Variants in ELFN1 observed in about 807,000 individuals in gnomAD.
ELFN1 encodes protein ELFN1.
In ELFN1, 6 loss-of-function variants were observed where a neutral mutation model predicts 7.6. The observed-to-expected ratio is 0.79, with a 90% confidence interval of 0.43 to 1.56. The LOEUF is 1.56. Among genes scored for constraint, ELFN1 ranks in the 40% most tolerant of loss-of-function variants. ELFN1 has a pLI of 0.01. For missense variants in ELFN1, 1,169 were observed against 1,232.2 expected (o/e 0.95, Z 0.77); for synonymous variants, 657 against 588.1 (o/e 1.12, Z -1.70).
chr7:1,745,246 G>A lies in ELFN1; in HGVS notation c.650G>A (p.Arg217His), dbSNP rs539135349. 6 of 1,540,122 alleles carry A rather than the reference G, an allele frequency of 3.9e-6. No homozygotes were observed. The highest frequency in any genetic ancestry group is 4.9e-5 in the East Asian group (2 of 40,918). ...AFTNATQTYD[R>H]MQCESPPVYS... The stretch of plus-strand genomic sequence containing the variant: ...ACCAACGCCACACAGACGTACGACC[G>A]CATGCAGTGCGAGTCGCCGCCCGTC... The change falls in exon 4 of 4, where the codon CGC becomes CAC. Residue 217 changes from arginine (R) to histidine (H), a missense_variant. Arg to His is a conservative substitution (Grantham distance 29). This residue lies in a region of ELFN1 where 255 missense variants were observed against 359.6 expected (regional missense o/e 0.71). Coordinates refer to ENST00000424383, the MANE Select transcript of ELFN1 (RefSeq NM_001128636.4).
chr7:1,747,130 TCCA>T lies in ELFN1; in HGVS notation c.*50_*52del. On this transcript the variant is annotated 3_prime_UTR_variant, in exon 4 of 4. Transcript: ENST00000424383. ...CCACTGGACCAAAAAGGATGCAGGA[TCCA>T]CCCAGAGACTCAGCACCAAACCCAA... is the stretch of plus-strand genomic sequence containing the variant. 1 of 1,432,424 alleles carries T rather than the reference TCCA, an allele frequency of 7.0e-7. No individual in the cohort carries two copies. The highest frequency in any genetic ancestry group is 2.8e-5 in the Admixed American group (1 of 35,824). The allele number at this position is 1,432,424 out of a possible 1,614,324, so 88.7% of individuals were successfully genotyped here.
chr7:1,717,840 T>C (rs1779881643), intron 3 of ELFN1, among the ~76,000 whole-genome samples: 1 of 152,038 alleles, frequency 6.6e-6, no homozygotes, highest in Non-Finnish European at 1.5e-5. Flanking sequence ...AGGAGGAAGT[T>C]GTAGTCCTGC....
chr7:1,707,443 T>C (rs1378674319), intron 2 of ELFN1, among the ~76,000 whole-genome samples: 3 of 152,168 alleles, frequency 2.0e-5, no homozygotes, highest in African/African-American at 7.2e-5. Context: ...GCAAACGCCC[T>C]GCATCGCAGC....
At chr7:1,669,877 A>ACCCC (rs1778728333), upstream of ELFN1, among the ~76,000 whole-genome samples, 2 of 78,292 alleles carry the variant, frequency 2.6e-5, no homozygotes, top group African/African-American at 4.4e-5. Flanking sequence ...CCACCCACCC[A>ACCCC]CCCACCCCCT....
rs749120379 is a variant in ELFN1 at position 1,746,083 on chromosome 7, G to C, written c.1487G>C (p.Arg496Pro). 151 of 1,546,964 alleles carry C rather than the reference G, an allele frequency of 9.8e-5. No homozygotes were observed. Among genetic ancestry groups the C allele is most frequent in the Non-Finnish European group, 1.2e-4 (136 of 1,145,306 alleles). Residue 496 changes from arginine (R) to proline (P), a missense_variant, in exon 4 of 4, where the codon CGC (arginine) becomes CCC (proline). By Grantham distance (103) the Arg-to-Pro change is moderately radical (BLOSUM62 -2). This residue lies in a region of ELFN1 where 914 missense variants were observed against 872.6 expected (regional missense o/e 1.05). Transcript: ENST00000424383. ...CTGCTGGGCCCCGAGGCCGTGACGC[G>C]CATCCCTTACCTGCCTGCGGCCGGC... ...GPLLGPEAVT[R>P]IPYLPAAGEV...
At position 1,739,835 on chromosome 7, in the gene ELFN1, C is replaced by A. The variant is rs1012355348; in HGVS notation, c.-293-4469C>A. ...GCCCGAGGGGGGACGCCCGGTGGGG[C>A]GGGGCTGAGGATGGAAGAGGAGGTG... On this transcript the variant is annotated intron_variant, in intron 3 of 3. Coordinates refer to ENST00000424383, the MANE Select transcript of ELFN1 (RefSeq NM_001128636.4). This position sits in a 1 kb window ranked among gnomAD's most constrained non-coding sequence, Gnocchi z 4.6. 6.6e-6 allele frequency among the ~76,000 whole-genome samples: 1 copy of A among 151,584 alleles called. No homozygotes were observed. The highest frequency in any genetic ancestry group is 1.5e-5 in the Non-Finnish European group (1 of 67,874).
intron 3 of ELFN1, among the ~76,000 whole-genome samples, chr7:1,709,718 G>A (rs1013228680): frequency 6.6e-6 from 1 of 152,278 alleles, no homozygotes; most frequent in African/African-American, 2.4e-5. Context: ...ATTTGAAGCA[G>A]GTTCTTGTCT....
chr7:1,682,564 C>T (rs1778992399), intron 1 of ELFN1, among the ~76,000 whole-genome samples: 1 of 152,028 alleles, frequency 6.6e-6, no homozygotes, highest in East Asian at 1.9e-4. Flanking sequence ...CCACAGCCTC[C>T]CAAGTGTTTG....
chr7:1,677,013 C>G (rs1389533246), intron 1 of ELFN1, among the ~76,000 whole-genome samples: 1 of 152,150 alleles, frequency 6.6e-6, no homozygotes, highest in East Asian at 1.9e-4. Flanking sequence ...TGAGGGTAGC[C>G]CGTACTGGGT....
chr7:1,686,660 C>T (rs145753615), intron 1 of ELFN1, among the ~76,000 whole-genome samples: 119 of 152,184 alleles, frequency 7.8e-4, no homozygotes, highest in African/African-American at 1.1e-3. Flanking sequence ...ATCCAAAGAT[C>T]GGGTAGTTTT....
chr7:1,719,434 G>T (rs1779948575), intron 3 of ELFN1, among the ~76,000 whole-genome samples: 1 of 152,176 alleles, frequency 6.6e-6, no homozygotes, highest in African/African-American at 2.4e-5. Flanking sequence ...ACCGGCTCTG[G>T]GCTAGGCAGC....
At chr7:1,726,190 T>A (rs1780191948) in intron 3 of ELFN1, among the ~76,000 whole-genome samples, 2 of 152,142 alleles carry the variant, frequency 1.3e-5, no homozygotes, top group South Asian at 4.1e-4. Context: ...TGACCCCTCC[T>A]TGCCCTGTGG....
At chr7:1,736,904 C>T (rs1405297156) in intron 3 of ELFN1, among the ~76,000 whole-genome samples, 1 of 152,078 alleles carries the variant, frequency 6.6e-6, no homozygotes, top group Non-Finnish European at 1.5e-5. Flanking sequence ...GCACTCTCTC[C>T]TCCCACCCCT....
At chr7:1,677,761 A>G (rs1778899296) in intron 1 of ELFN1, among the ~76,000 whole-genome samples, 1 of 151,800 alleles carries the variant, frequency 6.6e-6, no homozygotes, top group African/African-American at 2.4e-5. Flanking sequence ...CTGTAAAATG[A>G]ATTTGTTGTC....
Position 1,718,916 on chromosome 7 carries a change from G to A in ELFN1, c.-294+9664G>A, listed in dbSNP as rs117446028. 5.0e-3 allele frequency among the ~76,000 whole-genome samples: 755 copies of A among 152,242 alleles called. 6 individuals are homozygous for A. The highest frequency in any genetic ancestry group is 0.014 in the Middle Eastern group (4 of 294). On this transcript the variant is annotated intron_variant, in intron 3 of 3. Coordinates refer to ENST00000424383, the MANE Select transcript of ELFN1 (RefSeq NM_001128636.4). ...TTCTCTTCCTGAGAATCTCACCTCC[G>A]CGGAGCCACACTCCAGGGGTTCTTA...
chr7:1,696,680 G>A (rs1779320682), intron 2 of ELFN1, among the ~76,000 whole-genome samples: 2 of 152,124 alleles, frequency 1.3e-5, no homozygotes, highest in East Asian at 1.9e-4. Flanking sequence ...GAGATTACTC[G>A]TGTGAGCCAC....
intron 3 of ELFN1, among the ~76,000 whole-genome samples, chr7:1,710,443 C>A (rs964184454): frequency 6.6e-6 from 1 of 152,220 alleles, no homozygotes; most frequent in Non-Finnish European, 1.5e-5. Context: ...CTCTATCCTG[C>A]CCCCTCACCC....
chr7:1,675,080 G>A (rs1333075799), intron 1 of ELFN1, among the ~76,000 whole-genome samples: 3 of 54,412 alleles, frequency 5.5e-5, no homozygotes, highest in East Asian at 8.2e-4. Context: ...CCTTACCGAC[G>A]GGGACCCGGC....
chr7:1,702,598 A>G (rs1427514002), intron 2 of ELFN1, among the ~76,000 whole-genome samples: 1 of 151,204 alleles, frequency 6.6e-6, no homozygotes, highest in Non-Finnish European at 1.5e-5. Flanking sequence ...GTATAAATTA[A>G]TTTGAAGACT....
Sources: allele counts gnomAD v4.1 joint callset (sites outside exome capture counted in the v4.1 genomes callset), GRCh38; gene constraint gnomAD v4.1.1; regional missense constraint gnomAD v4.1.1; non-coding constraint Gnocchi (gnomAD v3.1); transcripts MANE v1.5; gene names NCBI Gene and HGNC (gene_info 2026-07-23, HGNC 2026-07-21).